N4BP2L2: variants seen among roughly 807,000 people sequenced by gnomAD.
N4BP2L2 encodes NEDD4 binding protein 2 like 2.
A neutral mutation model predicts 56.2 loss-of-function variants in N4BP2L2; 50 were observed. The ratio of observed to expected loss-of-function variants is 0.89; its 90% confidence interval spans 0.71 to 1.13. The LOEUF (loss-of-function observed/expected upper bound fraction) is 1.13, where lower values mean the gene tolerates loss of function less well. N4BP2L2 is among the 50% of genes most tolerant of loss of function. The pLI is 0.00. For synonymous variants in N4BP2L2, 203 were observed against 223.6 expected (o/e 0.91, Z 0.82); for missense variants, 689 against 693.8 (o/e 0.99, Z 0.08).
At chr13:32,537,089 C>T in intron 1 of N4BP2L2, 62 bp from the exon 2 acceptor site, 1 of 1,167,702 alleles carries the variant, frequency 8.6e-7, no homozygotes, top group Non-Finnish European at 1.1e-6. Flanking sequence ...ATAAAATTTT[C>T]TTCAAAAACA....
At chr13:32,533,090 G>C (rs925250525) in intron 2 of N4BP2L2, among the ~76,000 whole-genome samples, 2 of 152,072 alleles carry the variant, frequency 1.3e-5, no homozygotes, top group Non-Finnish European at 2.9e-5. Context: ...TTTAACTATA[G>C]TAGTTTCTAA....
chr13:32,538,002 G>A (rs563867338), intron 1 of N4BP2L2, among the ~76,000 whole-genome samples: 3 of 149,384 alleles, frequency 2.0e-5, no homozygotes, highest in South Asian at 4.4e-4. Context: ...CCCGGGGGGG[G>A]CGGAGGTTGT....
intron 6 of N4BP2L2, among the ~76,000 whole-genome samples, chr13:32,466,930 G>A (rs990039780): frequency 1.3e-5 from 2 of 152,176 alleles, no homozygotes; most frequent in Non-Finnish European, 1.5e-5. Flanking sequence ...ACTAAGACCT[G>A]AAAGTTACTT....
At chr13:32,479,267 A>T (rs2084045099) in intron 6 of N4BP2L2, among the ~76,000 whole-genome samples, 1 of 151,950 alleles carries the variant, frequency 6.6e-6, no homozygotes, top group Non-Finnish European at 1.5e-5. Context: ...GTAATTATTT[A>T]TTATTTATTT....
At chr13:32,451,393 T>C (rs1009764818) in intron 6 of N4BP2L2, among the ~76,000 whole-genome samples, 12 of 151,558 alleles carry the variant, frequency 7.9e-5, no homozygotes, top group African/African-American at 2.9e-4. Context: ...GTATTAGAAA[T>C]AGAAAAGAAG....
intron 6 of N4BP2L2, among the ~76,000 whole-genome samples, chr13:32,457,667 GA>G (rs946080967): frequency 1.3e-5 from 2 of 152,118 alleles, no homozygotes; most frequent in African/African-American, 4.8e-5. Flanking sequence ...GTCTTTCTCA[GA>G]AAAGCAAAAA....
rs750280447 is a variant in N4BP2L2 at position 32,517,843 on chromosome 13, G to A, written c.1711C>T (p.Leu571Phe). The A allele has an allele frequency of 1.2e-5, 19 of 1,613,918 alleles. No homozygotes were observed. In the Admixed American group the frequency reaches 3.2e-4, roughly 27 times the overall value. Residue 571 changes from leucine to phenylalanine, a missense_variant, in exon 6 of 6, where the codon CTT becomes TTT. Physicochemically the swap from Leu to Phe is conservative, Grantham distance 22. Coordinates refer to ENST00000267068, the Ensembl canonical transcript of N4BP2L2. Reference sequence around the variant, plus strand: ...ACACAGACACGATTATGTGAGCCAAGAGAGCCTCCCCACCTCTGTCTCCCC... The same window carrying A: ...ACACAGACACGATTATGTGAGCCAAAAGAGCCTCCCCACCTCTGTCTCCCC...
Position 32,535,945 on chromosome 13 carries a change from C to G in N4BP2L2, c.1083G>C (p.Val361=), listed in dbSNP as rs746961875. 6 of 1,614,084 alleles carry G rather than the reference C, an allele frequency of 3.7e-6. No homozygotes were observed. The South Asian group carries it at 6.6e-5, about 18-fold the overall frequency. The stretch of plus-strand genomic sequence containing the variant: ...CTCTGACTTCACAGAAACCATTACT[C>G]ACATATCGATCTTGCATACTGCAGC... The change falls in exon 2 of 6, where the codon GTG becomes GTC. Residue 361 remains valine (V), a synonymous_variant. Transcript: ENST00000267068.
chr13:32,436,501 G>A (rs958373749), intron 8 of N4BP2L2: 2 of 518,620 alleles, frequency 3.9e-6, no homozygotes, highest in Non-Finnish European at 6.6e-6. Flanking sequence ...CTCCTAAAAT[G>A]ACAAAAGAAA....
intron 6 of N4BP2L2, among the ~76,000 whole-genome samples, chr13:32,504,135 C>T (rs79250916): frequency 0.057 from 8,723 of 152,250 alleles, 846 homozygotes; most frequent in African/African-American, 0.2. Flanking sequence ...AAAAGAACCA[C>T]TGATTAAGGC....
chr13:32,442,285 A>T, intron 7 of N4BP2L2: 1 of 1,028,966 alleles, frequency 9.7e-7, no homozygotes, highest in Non-Finnish European at 1.4e-6. Flanking sequence ...TCACGAGATT[A>T]ATAAACTGCA....
At chr13:32,433,488 T>C (rs541007446) in intron 9 of N4BP2L2, among the ~76,000 whole-genome samples, 20 of 152,020 alleles carry the variant, frequency 1.3e-4, no homozygotes, top group African/African-American at 4.6e-4. Flanking sequence ...ATACAAAAAT[T>C]AGCTGGGTGT....
intron 9 of N4BP2L2, among the ~76,000 whole-genome samples, chr13:32,435,426 G>T (rs905695509): frequency 2.0e-5 from 3 of 151,954 alleles, no homozygotes; most frequent in African/African-American, 7.3e-5. Flanking sequence ...TAGAAACGGG[G>T]TTTTGCCATG....
At chr13:32,456,666 A>G (rs2079035551) in intron 6 of N4BP2L2, among the ~76,000 whole-genome samples, 1 of 152,238 alleles carries the variant, frequency 6.6e-6, no homozygotes, top group South Asian at 2.1e-4. Flanking sequence ...TGAGAAATTC[A>G]CCAGAGATAG....
At chr13:32,492,213 T>A (rs1025692534) in intron 6 of N4BP2L2, among the ~76,000 whole-genome samples, 1 of 151,718 alleles carries the variant, frequency 6.6e-6, no homozygotes. Flanking sequence ...ATCACTCTTA[T>A]GAACTTAGGA....
exon 7 of N4BP2L2, chr13:32,442,561 A>G (rs1044479323): frequency 1.2e-6 from 2 of 1,613,930 alleles, no homozygotes; most frequent in Non-Finnish European, 1.7e-6. Flanking sequence ...TTCATTTAAA[A>G]AGTGAAAATC....
At chr13:32,520,209 G>A (rs988914124) in intron 5 of N4BP2L2, among the ~76,000 whole-genome samples, 13 of 152,162 alleles carry the variant, frequency 8.5e-5, no homozygotes, top group African/African-American at 2.9e-4. Flanking sequence ...AAAGAGGAGT[G>A]AAGGTTGCAC....
exon 3 of N4BP2L2, chr13:32,527,455 T>C (rs765481826): frequency 2.5e-6 from 4 of 1,614,038 alleles, no homozygotes; most frequent in Admixed American, 1.7e-5. Flanking sequence ...ATTAACATTA[T>C]ACCTGTACCC....
chr13:32,440,665 G>A (rs1181923398), intron 7 of N4BP2L2, among the ~76,000 whole-genome samples: 3 of 152,078 alleles, frequency 2.0e-5, no homozygotes, highest in Non-Finnish European at 4.4e-5. Flanking sequence ...GTTTCACCAT[G>A]TTGGCCAGGC....
Sources: gnomAD v4.1 joint callset for allele counts (sites outside exome capture counted in the v4.1 genomes callset) on GRCh38, gnomAD v4.1.1 for gene constraint, MANE v1.5 for transcripts, NCBI Gene and HGNC (gene_info 2026-07-23, HGNC 2026-07-21) for gene names.